Variants in TUB observed in about 807,000 individuals in gnomAD.
TUB encodes TUB bipartite transcription factor, also known as tubby protein homolog.
In TUB, 33 loss-of-function variants were observed where a neutral mutation model predicts 59.7. The observed-to-expected ratio is 0.55, with a 90% CI of 0.42 to 0.74. The LOEUF (loss-of-function observed/expected upper bound fraction) is 0.74. Among genes scored for constraint, TUB ranks in the 30% least tolerant of loss-of-function variants. The pLI is 0.00. For missense variants in TUB, 659 were observed against 672.0 expected (o/e 0.98, Z 0.21); for synonymous variants, 293 against 256.4 (o/e 1.14, Z -1.36).
chr11:8,074,717 G>T (rs1943418046), intron 2 of TUB, among the ~76,000 whole-genome samples: 1 of 150,550 alleles, frequency 6.6e-6, no homozygotes, highest in South Asian at 2.1e-4. Context: ...TCCAGCCTGG[G>T]TGATAGAGTG....
chr11:8,039,430 A>ACTGC (rs56870342), intron 1 of TUB: 11,735 of 440,490 alleles, frequency 0.027, 457 homozygotes, highest in East Asian at 0.15. Flanking sequence ...CCTCATCTGG[A>ACTGC]CTGCCTGCCT....
At chr11:8,041,739 T>C (rs983403593) in intron 2 of TUB, among the ~76,000 whole-genome samples, 1 of 152,196 alleles carries the variant, frequency 6.6e-6, no homozygotes, top group African/African-American at 2.4e-5. Context: ...TGCTTGTCAC[T>C]TCAACTGCCC....
At chr11:8,078,298 T>G (rs191023504), upstream of TUB, among the ~76,000 whole-genome samples, 26 of 152,190 alleles carry the variant, frequency 1.7e-4, no homozygotes, top group Non-Finnish European at 2.9e-4. Flanking sequence ...ATAGCAAATA[T>G]CTTACCCTTG....
intron 2 of TUB, among the ~76,000 whole-genome samples, chr11:8,059,124 T>C (rs1943074864): frequency 6.6e-6 from 1 of 152,054 alleles, no homozygotes; most frequent in African/African-American, 2.4e-5. Context: ...GAGCAGTGTC[T>C]TAGGTTTCCA....
rs1590003163 is a variant in TUB, at chr11:8,101,619, G to C, written c.1521G>C (p.Ter507TyrextTer91). 6.2e-7 allele frequency: 1 copy of C among 1,614,188 alleles called. No individual in the cohort carries two copies. The highest frequency in any genetic ancestry group is 8.5e-7 in the Non-Finnish European group (1 of 1,180,008). ...TCGACAGCAAGCTGGCGTGCGAGTAGAGGCCTCTTCGTGCCCTTTGGGGTT... is the reference window on the plus strand; with the variant it reads ...TCGACAGCAAGCTGGCGTGCGAGTACAGGCCTCTTCGTGCCCTTTGGGGTT... ...SSFDSKLACE[*>Y] The change falls in exon 12 of 12, where the codon TAG becomes TAC. Residue 507 changes from the stop codon to tyrosine, a stop_lost. Transcript: ENST00000299506.
At chr11:8,046,011 A>G (rs189268627) in intron 2 of TUB, among the ~76,000 whole-genome samples, 1 of 152,294 alleles carries the variant, frequency 6.6e-6, no homozygotes, top group East Asian at 1.9e-4. Flanking sequence ...AAGCATGTGC[A>G]GATCAGTACT....
At chr11:8,078,869 A>G (rs11606694), upstream of TUB, among the ~76,000 whole-genome samples, 10,795 of 151,962 alleles carry the variant, frequency 0.071, 495 homozygotes, top group African/African-American at 0.13. Flanking sequence ...ACACACATAC[A>G]CACTCATATT....
At chr11:8,086,643 G>A (rs183848143) in intron 1 of TUB, among the ~76,000 whole-genome samples, 788 of 152,190 alleles carry the variant, frequency 5.2e-3, no homozygotes, top group Non-Finnish European at 8.7e-3. Flanking sequence ...ACCAGGAATC[G>A]TGCCCACTCT....
intron 9 of TUB, among the ~76,000 whole-genome samples, chr11:8,099,968 G>C (rs1428179026): frequency 6.6e-6 from 1 of 152,208 alleles, no homozygotes; most frequent in Non-Finnish European, 1.5e-5. Context: ...AACTTGGAGT[G>C]AGCTGGAGAG....
chr11:8,091,079 T>G (rs2133836488), intron 3 of TUB, among the ~76,000 whole-genome samples: 1 of 152,292 alleles, frequency 6.6e-6, no homozygotes, highest in Middle Eastern at 3.4e-3. Flanking sequence ...GCTCCCCTCC[T>G]TCTGTGGCTT....
chr11:8,097,185 T>C (rs1944035170), intron 6 of TUB, 43 bp from the exon 7 acceptor site: 10 of 1,608,622 alleles, frequency 6.2e-6, no homozygotes, highest in Non-Finnish European at 8.5e-6. Context: ...TTTGGGCTGC[T>C]TAGGGTCCTT....
At chr11:8,081,201 G>A (rs1340582634), upstream of TUB, among the ~76,000 whole-genome samples, 5 of 151,530 alleles carry the variant, frequency 3.3e-5, no homozygotes, top group African/African-American at 1.2e-4. Flanking sequence ...GGCCGCCGCT[G>A]CCACGCAGTA....
chr11:8,031,298 C>T (rs1047378208), intron 1 of TUB, among the ~76,000 whole-genome samples: 3 of 152,200 alleles, frequency 2.0e-5, no homozygotes, highest in African/African-American at 7.2e-5. Context: ...AGGTCAGGTA[C>T]ACTGGCCCTT....
intron 2 of TUB, among the ~76,000 whole-genome samples, chr11:8,066,723 G>A (rs1004314936): frequency 3.3e-5 from 5 of 152,194 alleles, no homozygotes; most frequent in Admixed American, 6.5e-5. Context: ...CAGAGCTCAC[G>A]TCTAGGAGAG....
At chr11:8,022,324 T>C (rs1175756213) in intron 1 of TUB, among the ~76,000 whole-genome samples, 1 of 152,138 alleles carries the variant, frequency 6.6e-6, no homozygotes, top group Non-Finnish European at 1.5e-5. Flanking sequence ...GCATTAAAAG[T>C]GAAAATCTGT....
intron 1 of TUB, among the ~76,000 whole-genome samples, chr11:8,083,598 T>C (rs7946954): frequency 6.6e-6 from 1 of 150,432 alleles, no homozygotes; most frequent in Non-Finnish European, 1.5e-5. Flanking sequence ...GTCCAACTAC[T>C]ATCTCCCCTC....
chr11:8,099,245 C>T (rs1223638949), intron 9 of TUB, among the ~76,000 whole-genome samples: 1 of 152,166 alleles, frequency 6.6e-6, no homozygotes, highest in African/African-American at 2.4e-5. Context: ...TGTCATCTCA[C>T]TGAACGTTCA....
chr11:8,042,095 C>T (rs1055013984), intron 2 of TUB, among the ~76,000 whole-genome samples: 1 of 151,838 alleles, frequency 6.6e-6, no homozygotes, highest in Non-Finnish European at 1.5e-5. Flanking sequence ...CATTACTCCC[C>T]CCAATGAAAA....
chr11:8,027,988 C>T (rs1942522675), intron 1 of TUB, among the ~76,000 whole-genome samples: 1 of 152,168 alleles, frequency 6.6e-6, no homozygotes, highest in South Asian at 2.1e-4. Flanking sequence ...AATGATAATT[C>T]TATCTTTAGC....
Sources: gnomAD v4.1 joint callset for allele counts (sites outside exome capture counted in the v4.1 genomes callset) on GRCh38, gnomAD v4.1.1 for gene constraint, MANE v1.5 for transcripts, NCBI Gene and HGNC (gene_info 2026-07-23, HGNC 2026-07-21) for gene names.